Variants in ELMOD1 observed in about 807,000 individuals in gnomAD.
ELMOD1 encodes ELMO domain-containing protein 1.
Under a neutral mutation model 46.7 loss-of-function variants are expected in ELMOD1, and 21 were observed. The observed-to-expected ratio is 0.45, with a 90% CI of 0.32 to 0.65. The LOEUF (loss-of-function observed/expected upper bound fraction) is 0.65, where lower values mean the gene tolerates loss of function less well. Among genes scored for constraint, ELMOD1 ranks in the 30% least tolerant of loss-of-function variants. The pLI, the probability that ELMOD1 is intolerant of heterozygous loss-of-function variation, is 0.04. For missense variants in ELMOD1, 348 were observed against 407.8 expected, an observed-to-expected ratio of 0.85 and a Z score of 1.26; for synonymous variants, 122 against 138.2, an observed-to-expected ratio of 0.88 and a Z score of 0.82.
intron 1 of ELMOD1, chr11:107,592,426 C>T (rs1338374614): frequency 1.9e-6 from 1 of 534,494 alleles, no homozygotes; most frequent in African/African-American, 1.9e-5. Context: ...TGTTCTGCAT[C>T]TCTGCAATGT....
rs375509925 is a variant in ELMOD1, at chr11:107,610,532, T to C, written c.-85-7573T>C. ...TACAAAAATTAGCTGTGTGTGGTGG[T>C]GTATGCCTGTAATCTGAGCTACTCG... is the stretch of plus-strand genomic sequence containing the variant. On this transcript the variant is annotated intron_variant, in intron 1 of 11. Coordinates refer to ENST00000265840, the MANE Select transcript of ELMOD1 (RefSeq NM_018712.4). 8.6e-5 allele frequency among the ~76,000 whole-genome samples: 13 copies of C among 151,794 alleles called. No individual in the cohort carries two copies. In the East Asian group the frequency reaches 2.3e-3, roughly 27 times the overall value.
intron 5 of ELMOD1, among the ~76,000 whole-genome samples, chr11:107,635,365 T>C (rs1866211002): frequency 6.6e-6 from 1 of 152,206 alleles, no homozygotes; most frequent in South Asian, 2.1e-4. Context: ...TCCTCCCATC[T>C]TGGCCTCAGA....
intron 11 of ELMOD1, among the ~76,000 whole-genome samples, chr11:107,664,640 C>T (rs1229790903): frequency 1.3e-5 from 2 of 151,996 alleles, no homozygotes; most frequent in Non-Finnish European, 1.5e-5. Flanking sequence ...GAATAAAGTC[C>T]GAGTGGAGTG....
chr11:107,613,262 TA>T (rs1168536411), intron 1 of ELMOD1, among the ~76,000 whole-genome samples: 1 of 152,240 alleles, frequency 6.6e-6, no homozygotes, highest in Non-Finnish European at 1.5e-5. Context: ...TAAATACCTG[TA>T]ACTATGCTGA....
chr11:107,608,356 T>TAA (rs5794561), intron 1 of ELMOD1, among the ~76,000 whole-genome samples: 2,669 of 151,254 alleles, frequency 0.018, 74 homozygotes, highest in African/African-American at 0.061. Context: ...TATGTATCTT[T>TAA]AAAAAAAAAC....
chr11:107,616,603 G>A (rs35007435), intron 1 of ELMOD1, among the ~76,000 whole-genome samples: 52,184 of 151,414 alleles, frequency 0.34, 9,838 homozygotes, highest in East Asian at 0.52. Context: ...GGTCTTGAAC[G>A]CCTGACCTCA....
At position 107,665,351 on chromosome 11, in the gene ELMOD1, TC is replaced by T; in HGVS notation, c.*158del. On this transcript the variant is annotated 3_prime_UTR_variant, in exon 12 of 12. Transcript: ENST00000265840. ...TCATCTCTTGGTCATAATTCCGAGATCCCCAGAGACCACTGTTTCTGGAGTA... is the reference window on the plus strand; with the variant it reads ...TCATCTCTTGGTCATAATTCCGAGATCCCAGAGACCACTGTTTCTGGAGTA... 1 of 754,880 alleles carries T rather than the reference TC, an allele frequency of 1.3e-6. No homozygotes were observed. Among genetic ancestry groups the T allele is most frequent in the Non-Finnish European group, 2.1e-6 (1 of 471,068 alleles). 46.8% of individuals were successfully genotyped at this position (754,880 alleles called of 1,614,324 possible).
intron 6 of ELMOD1, among the ~76,000 whole-genome samples, chr11:107,644,908 G>GTTTTTTTTTTTTTTTTTTTT (rs35769494): frequency 7.9e-6 from 1 of 127,008 alleles, no homozygotes; most frequent in Non-Finnish European, 1.5e-5. Flanking sequence ...TTCCTAAAGG[G>GTTTTTTTTTTTTTTTTTTTT]TTTTTGTTTT....
At chr11:107,642,990 A>T (rs1481538148) in intron 6 of ELMOD1, 1 of 254,708 alleles carries the variant, frequency 3.9e-6, no homozygotes, top group Non-Finnish European at 8.1e-6. Flanking sequence ...AAACTTAGTG[A>T]TACAAAATGA....
chr11:107,605,074 A>C (rs1865662909), intron 1 of ELMOD1, among the ~76,000 whole-genome samples: 1 of 152,242 alleles, frequency 6.6e-6, no homozygotes, highest in South Asian at 2.1e-4. Flanking sequence ...GTGAAATTTA[A>C]ACTAAAATAT....
intron 4 of ELMOD1, 90 bp downstream of exon 4, chr11:107,630,818 C>A (rs999196941): frequency 1.5e-6 from 2 of 1,301,758 alleles, no homozygotes; most frequent in Non-Finnish European, 2.1e-6. Context: ...CCAAAATATA[C>A]CACTGGCTAG....
intron 10 of ELMOD1, among the ~76,000 whole-genome samples, chr11:107,654,588 T>C (rs1430329188): frequency 6.6e-6 from 1 of 151,998 alleles, no homozygotes; most frequent in East Asian, 1.9e-4. Flanking sequence ...GCTAACACGG[T>C]GAAACCCCGT....
At chr11:107,592,016 C>G (rs1215658183) in intron 1 of ELMOD1, 1 of 498,724 alleles carries the variant, frequency 2.0e-6, no homozygotes, top group South Asian at 1.5e-5. Context: ...AATTGGACAG[C>G]CGAGTGGGGA....
At chr11:107,650,820 T>G in intron 8 of ELMOD1, 65 bp from the exon 9 acceptor site, 2 of 1,012,606 alleles carry the variant, frequency 2.0e-6, no homozygotes, top group Non-Finnish European at 2.8e-6. Context: ...TCTTGTAAAA[T>G]TCTAGATTCT....
Position 107,654,166 on chromosome 11 carries a change from A to G in ELMOD1, c.648-6A>G, listed in dbSNP as rs1448942780. ...GACTTACTTACTTATTCATTCATCC[A>G]TTCAGCAAATTCAGCAAAGCAGAAT... On this transcript the variant is annotated splice_polypyrimidine_tract_variant and splice_region_variant and intron_variant, in intron 9 of 11. Coordinates refer to ENST00000265840, the MANE Select transcript of ELMOD1 (RefSeq NM_018712.4). The G allele has an allele frequency of 1.3e-6, 2 of 1,577,118 alleles. No individual in the cohort carries two copies.
chr11:107,648,721 C>T (rs76440322), intron 7 of ELMOD1, among the ~76,000 whole-genome samples: 10,270 of 149,898 alleles, frequency 0.069, 355 homozygotes, highest in South Asian at 0.096. Context: ...CTTGCCAATT[C>T]TCAGAGTCAG....
chr11:107,645,627 T>G (rs1224614097), intron 6 of ELMOD1, among the ~76,000 whole-genome samples: 5 of 152,218 alleles, frequency 3.3e-5, no homozygotes, highest in East Asian at 1.9e-4. Context: ...GCCCGGCCAG[T>G]TTGTGTTTTG....
intron 5 of ELMOD1, 100 bp downstream of exon 5, chr11:107,631,777 C>T (rs1309883539): frequency 1.7e-6 from 1 of 573,642 alleles, no homozygotes; most frequent in Non-Finnish European, 2.9e-6. Flanking sequence ...TCCCTCTCTC[C>T]CTAAAATAAT....
At chr11:107,643,298 C>A in intron 6 of ELMOD1, 1 of 177,460 alleles carries the variant, frequency 5.6e-6, no homozygotes, top group Non-Finnish European at 1.1e-5. Flanking sequence ...ACCCGGGAAG[C>A]AGAAGTTGCA....
Sources: allele counts gnomAD v4.1 joint callset (sites outside exome capture counted in the v4.1 genomes callset), GRCh38; gene constraint gnomAD v4.1.1; transcripts MANE v1.5; gene names NCBI Gene and HGNC (gene_info 2026-07-23, HGNC 2026-07-21).